The following ODAD2 variants were observed in gnomAD, a reference collection of about 807,000 sequenced individuals.
The protein encoded by ODAD2 is outer dynein arm-docking complex subunit 2.
A neutral mutation model predicts 106.8 loss-of-function variants in ODAD2; 89 were observed. The ratio of observed to expected loss-of-function variants is 0.83; its 90% confidence interval spans 0.70 to 0.99. The LOEUF (loss-of-function observed/expected upper bound fraction) is 0.99. Among genes scored for constraint, ODAD2 ranks in the 50% least tolerant of loss-of-function variants. The probability of loss-of-function intolerance (pLI) is 0.00; values close to 1 mark genes in which losing one functional copy is unlikely to be tolerated. For missense variants in ODAD2, 1,168 were observed against 1,238.5 expected, an observed-to-expected ratio of 0.94 and a Z score of 0.85; for synonymous variants, 404 against 436.2, an observed-to-expected ratio of 0.93 and a Z score of 0.92.
intron 16 of ODAD2, among the ~76,000 whole-genome samples, chr10:27,924,163 A>C (rs1238387157): frequency 6.6e-6 from 1 of 152,076 alleles, no homozygotes; most frequent in African/African-American, 2.4e-5. Flanking sequence ...CAGTTGAAAT[A>C]AAAAAGTCAA....
At chr10:27,961,959 A>G (rs1410032585) in intron 9 of ODAD2, among the ~76,000 whole-genome samples, 3 of 152,198 alleles carry the variant, frequency 2.0e-5, no homozygotes, top group East Asian at 1.9e-4. Flanking sequence ...TCAGCTACTC[A>G]GGAGGCTTGA....
At chr10:27,857,206 GACC>G (rs1839718580) in intron 19 of ODAD2, among the ~76,000 whole-genome samples, 1 of 152,170 alleles carries the variant, frequency 6.6e-6, no homozygotes, top group South Asian at 2.1e-4. Context: ...CAAGGATGAA[GACC>G]TTTATGATGA....
chr10:27,852,025 T>C (rs771155775), intron 19 of ODAD2, among the ~76,000 whole-genome samples: 1 of 152,208 alleles, frequency 6.6e-6, no homozygotes, highest in African/African-American at 2.4e-5. Context: ...TGGAGCACCA[T>C]GTTTAAAGTT....
chr10:27,994,788 G>A, intron 2 of ODAD2, 131 bp downstream of exon 2: 1 of 938,104 alleles, frequency 1.1e-6, no homozygotes, highest in Non-Finnish European at 1.6e-6. Context: ...TGTGTCTCTG[G>A]TTTTCATTCC....
At chr10:27,984,001 T>C (rs758240549) in intron 5 of ODAD2, 22 bp from the exon 6 acceptor site, 1 of 1,602,814 alleles carries the variant, frequency 6.2e-7, no homozygotes, top group South Asian at 1.1e-5. Flanking sequence ...CATCAAGCAA[T>C]TAACAGGAGT....
chr10:27,877,847 C>A (rs565667077), intron 17 of ODAD2, among the ~76,000 whole-genome samples: 1 of 152,148 alleles, frequency 6.6e-6, no homozygotes, highest in Non-Finnish European at 1.5e-5. Context: ...TTATAAAGGA[C>A]TTCCACATGC....
intron 17 of ODAD2, among the ~76,000 whole-genome samples, chr10:27,866,632 T>C (rs1020290321): frequency 1.3e-5 from 2 of 152,144 alleles, no homozygotes; most frequent in African/African-American, 4.8e-5. Flanking sequence ...GGTGAGGGCC[T>C]CAGGAAGCTT....
Position 27,827,379 on chromosome 10 carries a change from CTATATAT to C in ODAD2, c.3022-14761_3022-14755del, listed in dbSNP as rs1273324953. ...AGACACACACATACACACACACACA[CTATATAT>C]ATATATATATATATATATATATATA... On this transcript the variant is annotated intron_variant, in intron 19 of 19. Transcript: ENST00000305242. Among the ~76,000 whole-genome samples the C allele has an allele frequency of 1.2e-3, 161 of 132,462 alleles. 1 individual carries two copies. The highest frequency in any genetic ancestry group is 3.7e-3 in the South Asian group (15 of 4,036). The allele number at this position is 132,462 out of a possible 152,430, so 86.9% of individuals were successfully genotyped here. A position where few individuals can be genotyped will look rare whatever the true frequency, so the allele number is the denominator to read the frequency against.
chr10:27,975,510 C>T (rs1849134063), intron 7 of ODAD2, among the ~76,000 whole-genome samples: 1 of 151,994 alleles, frequency 6.6e-6, no homozygotes, highest in South Asian at 2.1e-4. Flanking sequence ...AAAGTTTATG[C>T]CAATAAATCT....
chr10:27,863,897 G>A (rs1189938489), intron 17 of ODAD2, among the ~76,000 whole-genome samples: 1 of 151,974 alleles, frequency 6.6e-6, no homozygotes, highest in East Asian at 1.9e-4. Context: ...CTTAAGAGGT[G>A]AGATCTTGAA....
rs764555755 is a variant in ODAD2 at position 27,994,877 on chromosome 10, A to T, written c.224+42T>A. The T allele has an allele frequency of 4.4e-6, 7 of 1,604,266 alleles. No individual in the cohort carries two copies. The Admixed American group carries it at 6.7e-5, about 15-fold the overall frequency. On this transcript the variant is annotated intron_variant, in intron 2 of 19. Transcript: ENST00000305242. ...CTAGAACCAATTGATAATACTATGT[A>T]CAACGAAGATATCAAATCCTAGAAG...
chr10:27,863,063 A>T (rs1037379065), intron 17 of ODAD2, among the ~76,000 whole-genome samples: 1 of 152,222 alleles, frequency 6.6e-6, no homozygotes. Flanking sequence ...CATTTTCATC[A>T]GTTGATGGAT....
chr10:27,944,315 A>T lies in ODAD2; in HGVS notation c.1650T>A (p.Ser550Arg). The T allele has an allele frequency of 6.2e-7, 1 of 1,613,790 alleles. No homozygotes were observed. Among genetic ancestry groups the T allele is most frequent in the Non-Finnish European group, 8.5e-7 (1 of 1,179,948 alleles). The part of the protein sequence containing the change: ...MVNILDSPHK[S>R]LKCLAAETIA... ...TAGTCTCGGCTGCCAAACATTTTAG[A>T]CTCTTGTGTGGAGAATCAAGTATAT... Residue 550 changes from serine to arginine, a missense_variant, in exon 12 of 20, where the codon AGT becomes AGA. By Grantham distance (110) the Ser-to-Arg change is moderately radical (BLOSUM62 -1). Coordinates refer to ENST00000305242, the MANE Select transcript of ODAD2 (RefSeq NM_018076.5).
Position 27,897,728 on chromosome 10 carries a change from G to A in ODAD2, c.2610+9935C>T, listed in dbSNP as rs143933144. ...CATACAAGAGAGGGCAGTTCCTGGT[G>A]AGAGATGTGATCAAGCAGAGATCTT... On this transcript the variant is annotated intron_variant, in intron 17 of 19. Coordinates refer to ENST00000305242, the MANE Select transcript of ODAD2 (RefSeq NM_018076.5). Among the ~76,000 whole-genome samples, 489 of 152,300 alleles carry A rather than the reference G, an allele frequency of 3.2e-3. 1 individual carries two copies. The highest frequency in any genetic ancestry group is 0.011 in the African/African-American group (476 of 41,560).
chr10:27,869,092 C>A (rs1589866581), intron 17 of ODAD2, among the ~76,000 whole-genome samples: 1 of 151,720 alleles, frequency 6.6e-6, no homozygotes, highest in South Asian at 2.1e-4. Context: ...TTTTAAAAGA[C>A]AGATGAAAGA....
chr10:27,871,805 G>C (rs1457977747), intron 17 of ODAD2, among the ~76,000 whole-genome samples: 1 of 152,140 alleles, frequency 6.6e-6, no homozygotes, highest in Non-Finnish European at 1.5e-5. Flanking sequence ...CTGCAGCTGT[G>C]TTCTTTGGAC....
chr10:27,982,163 AAT>A (rs33935473), intron 6 of ODAD2, among the ~76,000 whole-genome samples: 9 of 151,228 alleles, frequency 6.0e-5, no homozygotes, highest in African/African-American at 9.7e-5. Context: ...TCCATAACAG[AAT>A]ATATATATAT....
intron 7 of ODAD2, among the ~76,000 whole-genome samples, chr10:27,980,226 A>T (rs1186365394): frequency 6.6e-6 from 1 of 152,144 alleles, no homozygotes. Context: ...TTAGAGGAAA[A>T]ACACAGTGCT....
At chr10:27,874,705 G>T (rs1230349294) in intron 17 of ODAD2, among the ~76,000 whole-genome samples, 2 of 152,064 alleles carry the variant, frequency 1.3e-5, no homozygotes, top group African/African-American at 4.8e-5. Flanking sequence ...TGTCTTGTAG[G>T]GTTTCTGCCG....
Sources: gnomAD v4.1 joint callset for allele counts (sites outside exome capture counted in the v4.1 genomes callset) on GRCh38, gnomAD v4.1.1 for gene constraint, MANE v1.5 for transcripts, NCBI Gene and HGNC (gene_info 2026-07-23, HGNC 2026-07-21) for gene names.